The following PLEKHM3 variants were observed in gnomAD, a reference collection of about 807,000 sequenced individuals.
PLEKHM3 encodes pleckstrin homology domain containing M3.
In PLEKHM3, 45 loss-of-function variants were observed where a neutral mutation model predicts 81.8. The observed-to-expected ratio is 0.55, with a 90% confidence interval of 0.43 to 0.71. The LOEUF (loss-of-function observed/expected upper bound fraction) is 0.71. Ranked by LOEUF, PLEKHM3 falls within the 30% of genes least tolerant of loss-of-function variation. The pLI is 0.00. For missense variants in PLEKHM3, 788 were observed against 924.3 expected, an observed-to-expected ratio of 0.85 and a Z score of 1.91; for synonymous variants, 352 against 356.4, an observed-to-expected ratio of 0.99 and a Z score of 0.14.
At chr2:207,956,907 G>T (rs1690533643) in intron 3 of PLEKHM3, among the ~76,000 whole-genome samples, 1 of 151,858 alleles carries the variant, frequency 6.6e-6, no homozygotes, top group South Asian at 2.1e-4. Context: ...AGCAAGAAAA[G>T]CTGGAAGGGG....
At chr2:207,975,141 T>C (rs1691262572) in intron 3 of PLEKHM3, among the ~76,000 whole-genome samples, 1 of 152,300 alleles carries the variant, frequency 6.6e-6, no homozygotes, top group Non-Finnish European at 1.5e-5. Flanking sequence ...TAGAGCTTCT[T>C]AACTGGCTCA....
chr2:207,864,611 A>C (rs2092485954), intron 6 of PLEKHM3, among the ~76,000 whole-genome samples: 1 of 152,206 alleles, frequency 6.6e-6, no homozygotes. Flanking sequence ...AAGACATGAG[A>C]GTTATTATCT....
chr2:208,007,187 C>T (rs1692521423), intron 1 of PLEKHM3, among the ~76,000 whole-genome samples: 1 of 152,186 alleles, frequency 6.6e-6, no homozygotes, highest in African/African-American at 2.4e-5. Context: ...GGCAAAGACA[C>T]CTAGGACAAC....
At chr2:207,945,630 A>G (rs1183141648) in intron 4 of PLEKHM3, among the ~76,000 whole-genome samples, 1 of 152,174 alleles carries the variant, frequency 6.6e-6, no homozygotes, top group Non-Finnish European at 1.5e-5. Flanking sequence ...CGGACCACAC[A>G]GTGGCTCATG....
intron 7 of PLEKHM3, among the ~76,000 whole-genome samples, chr2:207,840,974 T>TATTTTTA (rs1311895740): frequency 8.6e-5 from 13 of 151,356 alleles, no homozygotes; most frequent in Admixed American, 7.9e-4. Flanking sequence ...CTAATTTTTA[T>TATTTTTA]ATTTTTAATT....
chr2:207,869,744 C>T (rs1440645553), intron 6 of PLEKHM3: 1 of 152,148 alleles, frequency 6.6e-6, no homozygotes, highest in East Asian at 1.9e-4. Flanking sequence ...TTCTAGAACT[C>T]AAGGAACTGC....
At chr2:208,019,856 T>C (rs997957154) in intron 1 of PLEKHM3, 5 of 152,232 alleles carry the variant, frequency 3.3e-5, no homozygotes, top group African/African-American at 1.2e-4. Flanking sequence ...TACTGTGCCA[T>C]GGCACAAAAC....
At chr2:207,990,975 C>T (rs1407081041) in intron 2 of PLEKHM3, among the ~76,000 whole-genome samples, 1 of 152,188 alleles carries the variant, frequency 6.6e-6, no homozygotes, top group Non-Finnish European at 1.5e-5. Flanking sequence ...GGATCTCTTC[C>T]ATCCAGTTCT....
chr2:207,948,760 G>C (rs541946081), intron 3 of PLEKHM3, among the ~76,000 whole-genome samples: 2 of 152,220 alleles, frequency 1.3e-5, no homozygotes, highest in South Asian at 4.1e-4. Flanking sequence ...AGCCAGGATG[G>C]TCTCGATCTC....
Position 207,843,106 on chromosome 2 carries a change from A to G in PLEKHM3, c.2109-14610T>C, listed in dbSNP as rs534654706. Among the ~76,000 whole-genome samples, 145 of 152,264 alleles carry G rather than the reference A, an allele frequency of 9.5e-4. 1 individual carries two copies. The highest frequency in any genetic ancestry group is 1.5e-3 in the Non-Finnish European group (99 of 68,018). Reference sequence around the variant, plus strand: ...GCTAAAGCTACGGGTGCACACCACCATAGCTGGCTCATTTTGTATTTTTTG... The same window carrying G: ...GCTAAAGCTACGGGTGCACACCACCGTAGCTGGCTCATTTTGTATTTTTTG... On this transcript the variant is annotated intron_variant, in intron 7 of 7. Transcript: ENST00000427836. This position sits in a 1 kb window ranked among gnomAD's most constrained non-coding sequence, Gnocchi z 4.4.
chr2:207,871,860 T>G (rs900784933), intron 6 of PLEKHM3, among the ~76,000 whole-genome samples: 1 of 152,182 alleles, frequency 6.6e-6, no homozygotes, highest in Non-Finnish European at 1.5e-5. Context: ...TTCCAGAAAA[T>G]TCTCATAGAT....
chr2:207,882,607 C>A, intron 6 of PLEKHM3, among the ~76,000 whole-genome samples: 2 of 84,238 alleles, frequency 2.4e-5, no homozygotes, highest in Admixed American at 1.5e-4. Flanking sequence ...AGCAAAACTC[C>A]ATCTCAAAAA....
intron 6 of PLEKHM3, among the ~76,000 whole-genome samples, chr2:207,897,100 G>T (rs1269365369): frequency 1.3e-5 from 2 of 152,194 alleles, no homozygotes; most frequent in East Asian, 3.9e-4. Flanking sequence ...GGAGCCACTG[G>T]GGAGGTCTGG....
At chr2:207,852,850 GA>G (rs113047081) in intron 7 of PLEKHM3, 4 of 418,586 alleles carry the variant, frequency 9.6e-6, no homozygotes, top group Non-Finnish European at 1.8e-5. Context: ...AATTTAAAAA[GA>G]AAAAAAGAAA....
chr2:207,960,792 C>G (rs576828123), intron 3 of PLEKHM3, among the ~76,000 whole-genome samples: 126 of 152,308 alleles, frequency 8.3e-4, no homozygotes, highest in Middle Eastern at 3.4e-3. Context: ...AGTTAAAACT[C>G]CCTAGCCTAA....
chr2:208,004,307 C>T (rs891055777), intron 1 of PLEKHM3, among the ~76,000 whole-genome samples: 3 of 151,546 alleles, frequency 2.0e-5, no homozygotes, highest in Admixed American at 6.6e-5. Context: ...CCCAGCTACT[C>T]GGGAGGCTGA....
chr2:207,865,801 A>AAAAATATAT lies in PLEKHM3; in HGVS notation c.1951-4540_1951-4539insATATATTTT. 5.5e-4 allele frequency among the ~76,000 whole-genome samples: 14 copies of AAAAATATAT among 25,286 alleles called. 1 individual carries two copies. Among genetic ancestry groups the AAAAATATAT allele is most frequent in the African/African-American group, 1.9e-3 (9 of 4,790 alleles). 16.6% of individuals were successfully genotyped at this position (25,286 alleles called of 152,430 possible). A position where few individuals can be genotyped will look rare whatever the true frequency, so the allele number is the denominator to read the frequency against. ...CGACTCAAAAAAAAAAAAAAAAAAAAAGATATATATATATATATATATATA... is the reference window on the plus strand; with the variant it reads ...CGACTCAAAAAAAAAAAAAAAAAAAAAAAATATATAGATATATATATATATATATATATA... On this transcript the variant is annotated intron_variant, in intron 6 of 7. Coordinates refer to ENST00000427836, the MANE Select transcript of PLEKHM3 (RefSeq NM_001080475.3).
intron 6 of PLEKHM3, chr2:207,868,697 T>G (rs911265036): frequency 6.6e-6 from 1 of 152,112 alleles, no homozygotes; most frequent in African/African-American, 2.4e-5. Flanking sequence ...TAAATAGAGA[T>G]TTTCTATGAT....
intron 6 of PLEKHM3, among the ~76,000 whole-genome samples, chr2:207,905,064 G>A (rs1446421381): frequency 6.6e-6 from 1 of 151,900 alleles, no homozygotes; most frequent in African/African-American, 2.4e-5. Context: ...TTTTAAATAA[G>A]AGCTAATGGG....
Sources: gnomAD v4.1 joint callset for allele counts (sites outside exome capture counted in the v4.1 genomes callset) on GRCh38, gnomAD v4.1.1 for gene constraint, Gnocchi (gnomAD v3.1) non-coding constraint, MANE v1.5 for transcripts, NCBI Gene and HGNC (gene_info 2026-07-23, HGNC 2026-07-21) for gene names.